Variants in INO80D observed in about 807,000 individuals in gnomAD.
INO80D encodes INO80 complex subunit D.
INO80D carries 21 observed loss-of-function variants against 87.6 expected under a neutral mutation model. The ratio of observed to expected loss-of-function variants is 0.24; its 90% CI spans 0.17 to 0.35. INO80D has a LOEUF of 0.35. INO80D is among the 10% of genes least tolerant of loss of function. The probability of loss-of-function intolerance (pLI) is 1.00; values close to 1 mark genes in which losing one functional copy is unlikely to be tolerated. For missense variants in INO80D, 982 were observed against 1,280.7 expected (o/e 0.77, Z 3.56); for synonymous variants, 440 against 491.0 (o/e 0.90, Z 1.37).
rs915110518 is a variant in INO80D at position 206,004,475 on chromosome 2, G to A, written c.2977C>T (p.Leu993=). ...LSSHSGIPKD[L]QPSHSSIAPP... ...GCTATAGAGCTGTGGCTGGGCTGCA[G>A]GTCCTTAGGAATGCCACTGTGAGAA... Residue 993 remains leucine, a synonymous_variant, in exon 11 of 11, where the codon CTG becomes TTG. Coordinates refer to ENST00000403263, the MANE Select transcript of INO80D (RefSeq NM_017759.5). This position sits in a 1 kb window ranked among gnomAD's most constrained non-coding sequence, Gnocchi z 4.9. The A allele has an allele frequency of 6.2e-7, 1 of 1,607,406 alleles. No individual in the cohort carries two copies.
At chr2:206,067,352 A>C (rs548857718) in intron 1 of INO80D, among the ~76,000 whole-genome samples, 2 of 152,292 alleles carry the variant, frequency 1.3e-5, no homozygotes, top group South Asian at 4.1e-4. Flanking sequence ...GTTAAAGGAT[A>C]CAAAATTATG....
Position 206,001,675 on chromosome 2 carries a change from T to A in INO80D, c.*2693A>T, listed in dbSNP as rs929640407. 6.6e-6 allele frequency: 1 copy of A among 152,120 alleles called. No individual in the cohort carries two copies. Among genetic ancestry groups the A allele is most frequent in the African/African-American group, 2.4e-5 (1 of 41,418 alleles). 9.4% of individuals were successfully genotyped at this position (152,120 alleles called of 1,614,324 possible). A position where few individuals can be genotyped will look rare whatever the true frequency, so the allele number is the denominator to read the frequency against. ...CAGATCTCTCTGGGCTTATAGATGT[T>A]CTCCTCTCTTCCAAAAAGGGACTCA... On this transcript the variant is annotated 3_prime_UTR_variant, in exon 11 of 11. Transcript: ENST00000403263.
intron 1 of INO80D, among the ~76,000 whole-genome samples, chr2:206,075,444 T>C (rs1325734075): frequency 6.6e-6 from 1 of 151,844 alleles, no homozygotes. Flanking sequence ...TATAATTTTT[T>C]TTTTTTTTTA....
Position 206,028,354 on chromosome 2 carries a change from G to C in INO80D, c.1074-19C>G. ...ATCTGACCTGGAAAGTGCAGGGAGA[G>C]AAAGGAAAAACTGATTACACATTAG... On this transcript the variant is annotated intron_variant, in intron 5 of 10. Transcript: ENST00000403263. 1.3e-6 allele frequency: 2 copies of C among 1,553,262 alleles called. No homozygotes were observed. Among genetic ancestry groups the C allele is most frequent in the Non-Finnish European group, 1.8e-6 (2 of 1,139,552 alleles).
chr2:206,074,295 A>G (rs1690051637), intron 1 of INO80D, among the ~76,000 whole-genome samples: 1 of 152,220 alleles, frequency 6.6e-6, no homozygotes, highest in South Asian at 2.1e-4. Flanking sequence ...TTTCAACAGC[A>G]AACATAACCA....
At chr2:206,079,132 G>A (rs900293515) in intron 1 of INO80D, among the ~76,000 whole-genome samples, 2 of 151,904 alleles carry the variant, frequency 1.3e-5, no homozygotes, top group African/African-American at 4.8e-5. Flanking sequence ...AAGTGCAGTG[G>A]TGTGATCAAG....
Position 206,005,112 on chromosome 2 carries a change from G to A in INO80D, c.2340C>T (p.Phe780=). 6.2e-7 allele frequency: 1 copy of A among 1,613,996 alleles called. No homozygotes were observed. Among genetic ancestry groups the A allele is most frequent in the Non-Finnish European group, 8.5e-7 (1 of 1,179,878 alleles). ...CATGAAGTCCATGAAACTGTCCTGG[G>A]AAGGCTCTCTCCCCAAGTGCACTCT... The part of the protein sequence containing the change: ...ISQSALGERA[F]PGQFHGLHDG... The change falls in exon 11 of 11, where the codon TTC becomes TTT. Residue 780 remains phenylalanine (F), a synonymous_variant. Transcript: ENST00000403263.
At chr2:206,077,335 G>A (rs1690147530) in intron 1 of INO80D, among the ~76,000 whole-genome samples, 1 of 148,402 alleles carries the variant, frequency 6.7e-6, no homozygotes, top group African/African-American at 2.5e-5. Context: ...GCGAGACTCT[G>A]TCTCAAAAAA....
At position 206,056,334 on chromosome 2, in the gene INO80D, G is replaced by C; in HGVS notation, c.828C>G (p.Asp276Glu). Residue 276 changes from aspartate to glutamate, a missense_variant, in exon 4 of 11, where the codon GAC (aspartate) becomes GAG (glutamate). By Grantham distance (45) the Asp-to-Glu change is conservative. Transcript: ENST00000403263. ...LLPSSRAPTV[D>E]PPRTDRILMK... Reference sequence around the variant, plus strand: ...TGAGGATCCGGTCAGTCCTGGGTGGGTCCACAGTGGGAGCCCTACTGGATG... The same window carrying C: ...TGAGGATCCGGTCAGTCCTGGGTGGCTCCACAGTGGGAGCCCTACTGGATG... 6.2e-7 allele frequency: 1 copy of C among 1,613,968 alleles called. No individual in the cohort carries two copies. Among genetic ancestry groups the C allele is most frequent in the East Asian group, 2.2e-5 (1 of 44,880 alleles).
intron 1 of INO80D, among the ~76,000 whole-genome samples, chr2:206,064,535 C>G (rs1689764926): frequency 3.3e-5 from 5 of 152,206 alleles, no homozygotes. Flanking sequence ...CTGCCACTTG[C>G]TGTGTTACCT....
intron 1 of INO80D, among the ~76,000 whole-genome samples, chr2:206,078,439 A>G (rs1033413879): frequency 6.6e-6 from 1 of 152,200 alleles, no homozygotes; most frequent in South Asian, 2.1e-4. Flanking sequence ...AAAGAAGATA[A>G]AAATCCAAAT....
At chr2:206,016,739 T>G (rs1263701975) in intron 8 of INO80D, among the ~76,000 whole-genome samples, 2 of 152,122 alleles carry the variant, frequency 1.3e-5, no homozygotes, top group Non-Finnish European at 2.9e-5. Flanking sequence ...TCTTTCCTGT[T>G]GTCTTTCCTG....
intron 4 of INO80D, among the ~76,000 whole-genome samples, chr2:206,052,251 G>A (rs1255011854): frequency 2.0e-5 from 3 of 152,076 alleles, no homozygotes; most frequent in Non-Finnish European, 1.5e-5. Context: ...CCAGTGGTGC[G>A]ATCTCGGCTC....
chr2:206,084,174 G>A (rs1417199775), intron 1 of INO80D, among the ~76,000 whole-genome samples: 1 of 149,430 alleles, frequency 6.7e-6, no homozygotes, highest in East Asian at 2.0e-4. Context: ...GAATATATAT[G>A]TGTTTATATA....
intron 1 of INO80D, among the ~76,000 whole-genome samples, chr2:206,082,894 T>C (rs909617863): frequency 6.6e-6 from 1 of 152,198 alleles, no homozygotes; most frequent in African/African-American, 2.4e-5. Flanking sequence ...TCTCTAAAAA[T>C]AGTAGCAACA....
chr2:206,077,861 G>GA (rs1230682315), intron 1 of INO80D, among the ~76,000 whole-genome samples: 1 of 151,836 alleles, frequency 6.6e-6, no homozygotes, highest in East Asian at 1.9e-4. Flanking sequence ...TCTCTTTCTT[G>GA]AAAATCTCTC....
intron 1 of INO80D, among the ~76,000 whole-genome samples, chr2:206,067,841 TAGAA>T (rs983867114): frequency 2.6e-5 from 4 of 151,912 alleles, no homozygotes; most frequent in Non-Finnish European, 5.9e-5. Context: ...TTACAAATCA[TAGAA>T]AGAAATCTGA....
chr2:206,046,444 G>C, intron 5 of INO80D, 60 bp downstream of exon 5: 1 of 1,165,064 alleles, frequency 8.6e-7, no homozygotes, highest in Non-Finnish European at 1.3e-6. Flanking sequence ...CTCCAGCCTG[G>C]GTGACAGAGC....
At chr2:206,068,248 G>A (rs2105897480) in intron 1 of INO80D, among the ~76,000 whole-genome samples, 1 of 152,168 alleles carries the variant, frequency 6.6e-6, no homozygotes, top group East Asian at 1.9e-4. Context: ...ACAAGTATGT[G>A]CCACCATATC....
Sources: allele counts gnomAD v4.1 joint callset (sites outside exome capture counted in the v4.1 genomes callset), GRCh38; gene constraint gnomAD v4.1.1; non-coding constraint Gnocchi (gnomAD v3.1); transcripts MANE v1.5; gene names NCBI Gene and HGNC (gene_info 2026-07-23, HGNC 2026-07-21).